Variants in NCKAP5 observed in about 807,000 individuals in gnomAD.
The protein encoded by NCKAP5 is NCK associated protein 5, also known as nck-associated protein 5.
A neutral mutation model predicts 167.0 loss-of-function variants in NCKAP5; 92 were observed. The observed-to-expected ratio is 0.55, with a 90% CI of 0.47 to 0.66. The LOEUF (loss-of-function observed/expected upper bound fraction) is 0.66, where lower values mean the gene tolerates loss of function less well. Ranked by LOEUF, NCKAP5 falls within the 30% of genes least tolerant of loss-of-function variation. The probability of loss-of-function intolerance (pLI) is 0.00; values close to 1 mark genes in which losing one functional copy is unlikely to be tolerated. For missense variants in NCKAP5, 2,378 were observed against 2,315.0 expected (o/e 1.03, Z -0.56); for synonymous variants, 891 against 877.4 (o/e 1.02, Z -0.27).
At chr2:133,470,710 G>A (rs943781753) in intron 3 of NCKAP5, among the ~76,000 whole-genome samples, 6 of 152,230 alleles carry the variant, frequency 3.9e-5, no homozygotes, top group South Asian at 2.1e-4. Context: ...ATATAATCTC[G>A]TGGTGCGCCG....
At chr2:132,967,996 G>A (rs2076720773) in intron 7 of NCKAP5, among the ~76,000 whole-genome samples, 2 of 148,720 alleles carry the variant, frequency 1.3e-5, no homozygotes, top group Admixed American at 6.6e-5. Flanking sequence ...ATTCCCAGCA[G>A]AAGGACTAGC....
At chr2:133,240,285 A>C (rs1192704167) in intron 4 of NCKAP5, among the ~76,000 whole-genome samples, 1 of 152,242 alleles carries the variant, frequency 6.6e-6, no homozygotes, top group Non-Finnish European at 1.5e-5. Flanking sequence ...AATATATTAC[A>C]ATTGGAGATA....
chr2:133,469,820 A>G (rs1189358990), intron 3 of NCKAP5, among the ~76,000 whole-genome samples: 12 of 151,520 alleles, frequency 7.9e-5, no homozygotes, highest in Non-Finnish European at 1.5e-4. Context: ...TGAGGCTTCT[A>G]CATTCTTCAT....
chr2:133,295,645 C>T (rs1679906750), intron 4 of NCKAP5, among the ~76,000 whole-genome samples: 1 of 152,094 alleles, frequency 6.6e-6, no homozygotes, highest in Non-Finnish European at 1.5e-5. Context: ...TTGAAATATG[C>T]CCAGAGACAT....
chr2:133,236,397 C>T (rs535813915), intron 4 of NCKAP5, among the ~76,000 whole-genome samples: 2 of 152,228 alleles, frequency 1.3e-5, no homozygotes, highest in South Asian at 4.1e-4. Flanking sequence ...ATATACCCTA[C>T]CAGTTGTTTT....
intron 5 of NCKAP5, among the ~76,000 whole-genome samples, chr2:133,176,759 G>C (rs6761767): frequency 0.15 from 23,259 of 152,106 alleles, 1,865 homozygotes; most frequent in Non-Finnish European, 0.16. Context: ...GTATGTGAAT[G>C]AAACAAAACT....
chr2:133,291,393 C>G (rs1257325016), intron 4 of NCKAP5, among the ~76,000 whole-genome samples: 1 of 152,238 alleles, frequency 6.6e-6, no homozygotes, highest in East Asian at 1.9e-4. Flanking sequence ...GCTGAAGCAT[C>G]GCAGAGGCAG....
chr2:132,757,850 A>G (rs1002547054), intron 16 of NCKAP5, among the ~76,000 whole-genome samples: 1 of 152,206 alleles, frequency 6.6e-6, no homozygotes, highest in Non-Finnish European at 1.5e-5. Flanking sequence ...GCTGACTAGA[A>G]TCTGCACAGA....
intron 4 of NCKAP5, among the ~76,000 whole-genome samples, chr2:133,227,176 C>T (rs947912613): frequency 1.3e-5 from 2 of 152,002 alleles, no homozygotes; most frequent in African/African-American, 4.8e-5. Flanking sequence ...GGGTTTTTTT[C>T]CAATCTAAGG....
intron 11 of NCKAP5, among the ~76,000 whole-genome samples, chr2:132,842,071 G>A (rs1688332860): frequency 6.6e-6 from 1 of 151,978 alleles, no homozygotes. Context: ...ACATTTTTTA[G>A]GATTACATAA....
At chr2:133,045,632 C>T (rs924120348) in intron 6 of NCKAP5, among the ~76,000 whole-genome samples, 3 of 152,070 alleles carry the variant, frequency 2.0e-5, no homozygotes, top group African/African-American at 7.2e-5. Context: ...CCTCTGTATG[C>T]TAAGTTTTTT....
At chr2:133,535,383 T>C (rs768777997) in intron 2 of NCKAP5, among the ~76,000 whole-genome samples, 2 of 152,124 alleles carry the variant, frequency 1.3e-5, no homozygotes, top group Non-Finnish European at 2.9e-5. Context: ...AGTGAGAACA[T>C]ACGATATTTG....
intron 2 of NCKAP5, among the ~76,000 whole-genome samples, chr2:133,524,908 G>A (rs1684742680): frequency 6.6e-6 from 1 of 152,082 alleles, no homozygotes; most frequent in Admixed American, 6.5e-5. Context: ...TGTTGAGTCT[G>A]CATCTGTGCA....
At chr2:132,845,889 C>T (rs1424876089) in intron 11 of NCKAP5, among the ~76,000 whole-genome samples, 1 of 152,138 alleles carries the variant, frequency 6.6e-6, no homozygotes, top group Non-Finnish European at 1.5e-5. Context: ...ATTTTTATAA[C>T]ATTGACTTTT....
At chr2:133,236,940 C>T (rs2087448791) in intron 4 of NCKAP5, among the ~76,000 whole-genome samples, 1 of 152,054 alleles carries the variant, frequency 6.6e-6, no homozygotes, top group Non-Finnish European at 1.5e-5. Context: ...CTATCCCTCT[C>T]TCCTCTCCAT....
chr2:132,900,554 C>T (rs566680501), intron 8 of NCKAP5, among the ~76,000 whole-genome samples: 1 of 152,130 alleles, frequency 6.6e-6, no homozygotes, highest in Non-Finnish European at 1.5e-5. Flanking sequence ...ACTGGCATGG[C>T]ACTTTCAACT....
At chr2:133,114,577 T>C (rs1166356408) in intron 6 of NCKAP5, among the ~76,000 whole-genome samples, 1 of 152,214 alleles carries the variant, frequency 6.6e-6, no homozygotes, top group African/African-American at 2.4e-5. Context: ...TCAGATTGTC[T>C]CATTTGTTTT....
At chr2:133,391,437 CTT>C (rs1405103937) in intron 3 of NCKAP5, 3 of 152,372 alleles carry the variant, frequency 2.0e-5, no homozygotes, top group African/African-American at 7.2e-5. Context: ...TACCCTGTTA[CTT>C]AGACTATAGA....
In NCKAP5 at chr2:133,404,641, C is replaced by T. The variant is rs1279196479; in HGVS notation, c.70-101531G>A. On this transcript the variant is annotated intron_variant, in intron 3 of 19. Coordinates refer to ENST00000409261, the MANE Select transcript of NCKAP5 (RefSeq NM_207363.3). ...ACAGTGAAAAGTGAAACTAGGTAAG[C>T]GAGGACTACTGTTTTCTTTAATTGT... 3.3e-5 allele frequency among the ~76,000 whole-genome samples: 5 copies of T among 152,126 alleles called. No individual in the cohort carries two copies. In the South Asian group the frequency reaches 8.3e-4, roughly 25 times the overall value.
Sources: gnomAD v4.1 joint callset for allele counts (sites outside exome capture counted in the v4.1 genomes callset) on GRCh38, gnomAD v4.1.1 for gene constraint, MANE v1.5 for transcripts, NCBI Gene and HGNC (gene_info 2026-07-23, HGNC 2026-07-21) for gene names.